The following NELL1 variants were observed in gnomAD, a reference collection of about 807,000 sequenced individuals.
NELL1 encodes the protein neural EGFL like 1, also known as protein kinase C-binding protein NELL1.
In NELL1, 76 loss-of-function variants were observed where a neutral mutation model predicts 107.4. The observed-to-expected ratio is 0.71, with a 90% CI of 0.59 to 0.86. The LOEUF (loss-of-function observed/expected upper bound fraction) is 0.86, where lower values mean the gene tolerates loss of function less well. Ranked by LOEUF, NELL1 falls within the 40% of genes least tolerant of loss-of-function variation. NELL1 has a pLI of 0.00. For missense variants in NELL1, 1,024 were observed against 1,005.5 expected (o/e 1.02, Z -0.25); for synonymous variants, 353 against 341.2 (o/e 1.03, Z -0.38).
At chr11:20,846,399 C>T (rs114372491) in intron 3 of NELL1, among the ~76,000 whole-genome samples, 1 of 152,068 alleles carries the variant, frequency 6.6e-6, no homozygotes. Flanking sequence ...GATTAAATAC[C>T]CTTTGGCTTG....
chr11:21,202,531 T>G (rs932518576), intron 13 of NELL1, among the ~76,000 whole-genome samples: 14 of 152,178 alleles, frequency 9.2e-5, no homozygotes, highest in African/African-American at 2.4e-5. Context: ...TCTTTATTAG[T>G]CTGGCTAGTG....
At chr11:21,551,730 G>A (rs948681866) in intron 16 of NELL1, among the ~76,000 whole-genome samples, 2 of 151,202 alleles carry the variant, frequency 1.3e-5, no homozygotes, top group Non-Finnish European at 3.0e-5. Context: ...TCAGTGTGGT[G>A]ATTCCTCAGG....
chr11:20,783,735 G>A lies in NELL1; in HGVS notation c.240G>A (p.Leu80=). Residue 80 remains leucine, a synonymous_variant, in exon 3 of 20, where the codon CTG becomes CTA. Transcript: ENST00000357134. ...ATGTGAGTGAGAAATTAATTCAGCT[G>A]TTCCGGAACAAGAGTGAATTCACCA... ...APHVSEKLIQ[L]FRNKSEFTIL... The A allele has an allele frequency of 6.2e-7, 1 of 1,613,892 alleles. No individual in the cohort carries two copies. The highest frequency in any genetic ancestry group is 2.2e-5 in the East Asian group (1 of 44,874).
chr11:21,363,207 G>A (rs186926114), intron 14 of NELL1, among the ~76,000 whole-genome samples: 25 of 152,260 alleles, frequency 1.6e-4, no homozygotes, highest in Middle Eastern at 6.8e-3. Flanking sequence ...TGCCTGCCCC[G>A]AGGTCCCCTG....
At chr11:21,344,218 G>A (rs1850636460) in intron 14 of NELL1, among the ~76,000 whole-genome samples, 1 of 152,164 alleles carries the variant, frequency 6.6e-6, no homozygotes, top group Non-Finnish European at 1.5e-5. Flanking sequence ...TGAAAGCTGT[G>A]TAACTAAGTA....
chr11:21,124,196 T>A (rs1014215272), intron 13 of NELL1, among the ~76,000 whole-genome samples: 16 of 152,174 alleles, frequency 1.1e-4, no homozygotes, highest in African/African-American at 3.6e-4. Flanking sequence ...GAGAAAAGTG[T>A]TATTAAAATA....
chr11:21,176,566 A>G (rs1367970466), intron 13 of NELL1, among the ~76,000 whole-genome samples: 1 of 151,852 alleles, frequency 6.6e-6, no homozygotes, highest in Non-Finnish European at 1.5e-5. Context: ...AATAGTCACT[A>G]TAGCATTTTT....
At chr11:21,249,427 AT>A (rs370106939) in intron 14 of NELL1, among the ~76,000 whole-genome samples, 62 of 149,270 alleles carry the variant, frequency 4.2e-4, no homozygotes, top group Admixed American at 1.3e-3. Flanking sequence ...ACAGTTACTT[AT>A]TTTTTTTTTC....
chr11:21,414,596 C>A (rs187692230), intron 15 of NELL1, among the ~76,000 whole-genome samples: 1 of 137,432 alleles, frequency 7.3e-6, no homozygotes, highest in Non-Finnish European at 1.7e-5. Context: ...CCATTCTCTT[C>A]TCTTAAGTTC....
intron 14 of NELL1, among the ~76,000 whole-genome samples, chr11:21,234,863 C>G (rs967789199): frequency 6.6e-6 from 1 of 152,106 alleles, no homozygotes. Context: ...AAATAGACAT[C>G]TCACATGTAC....
At chr11:21,276,800 G>T (rs563259955) in intron 14 of NELL1, among the ~76,000 whole-genome samples, 1 of 152,196 alleles carries the variant, frequency 6.6e-6, no homozygotes, top group Non-Finnish European at 1.5e-5. Flanking sequence ...AATGGGGAAA[G>T]GATTCCCTGT....
chr11:20,911,332 A>G (rs138391512), intron 5 of NELL1, among the ~76,000 whole-genome samples: 106 of 152,298 alleles, frequency 7.0e-4, no homozygotes, highest in African/African-American at 2.3e-3. Context: ...ATTACATTTC[A>G]CCTTCAGAGA....
intron 2 of NELL1, among the ~76,000 whole-genome samples, chr11:20,737,333 T>C (rs75516977): frequency 0.054 from 8,183 of 152,114 alleles, 725 homozygotes; most frequent in African/African-American, 0.19. Context: ...TTCAGATATA[T>C]CTGAGTTAGA....
At chr11:21,022,732 C>T (rs1230248606) in intron 12 of NELL1, among the ~76,000 whole-genome samples, 1 of 152,048 alleles carries the variant, frequency 6.6e-6, no homozygotes, top group African/African-American at 2.4e-5. Context: ...GGCAACATGC[C>T]TCCTATATTT....
chr11:20,712,954 A>G (rs143159250), intron 2 of NELL1, among the ~76,000 whole-genome samples: 81 of 152,320 alleles, frequency 5.3e-4, no homozygotes, highest in African/African-American at 1.8e-3. Flanking sequence ...CTCGAATGCT[A>G]GTTAACAGTG....
At chr11:20,685,208 G>T (rs932584557) in intron 2 of NELL1, among the ~76,000 whole-genome samples, 6 of 151,758 alleles carry the variant, frequency 4.0e-5, no homozygotes, top group African/African-American at 1.5e-4. Flanking sequence ...GTAATTATAG[G>T]GCTCATCTCT....
chr11:20,890,964 A>G (rs554389652), intron 5 of NELL1, among the ~76,000 whole-genome samples: 4 of 152,298 alleles, frequency 2.6e-5, no homozygotes, highest in African/African-American at 9.6e-5. Context: ...GAACCTCCCC[A>G]TCCTAGCAAG....
chr11:21,368,332 C>T (rs187972053), intron 14 of NELL1, among the ~76,000 whole-genome samples: 7 of 146,934 alleles, frequency 4.8e-5, no homozygotes, highest in Non-Finnish European at 1.0e-4. Context: ...TCCTTTAATG[C>T]GACATGTGCA....
At chr11:21,398,532 T>A (rs1852029669) in intron 15 of NELL1, among the ~76,000 whole-genome samples, 1 of 151,442 alleles carries the variant, frequency 6.6e-6, no homozygotes, top group Admixed American at 6.6e-5. Context: ...AAGAATGAAG[T>A]CAGGAGGAGG....
Sources: allele counts gnomAD v4.1 joint callset (sites outside exome capture counted in the v4.1 genomes callset), GRCh38; gene constraint gnomAD v4.1.1; transcripts MANE v1.5; gene names NCBI Gene and HGNC (gene_info 2026-07-23, HGNC 2026-07-21).